JMJD1C: variants seen among roughly 807,000 people sequenced by gnomAD.
JMJD1C encodes jumonji domain-containing protein 1C.
Under a neutral mutation model 245.3 loss-of-function variants are expected in JMJD1C, and 31 were observed. The observed-to-expected ratio is 0.13, with a 90% confidence interval of 0.09 to 0.17. The LOEUF (loss-of-function observed/expected upper bound fraction) is 0.17. Among genes scored for constraint, JMJD1C ranks in the 10% least tolerant of loss-of-function variants. The pLI is 1.00. For missense variants in JMJD1C, 2,691 were observed against 3,000.2 expected (o/e 0.90, Z 2.41); for synonymous variants, 1,057 against 1,017.4 (o/e 1.04, Z -0.74).
chr10:63,220,326 G>A (rs1848451790), intron 3 of JMJD1C, among the ~76,000 whole-genome samples: 1 of 152,170 alleles, frequency 6.6e-6, no homozygotes, highest in Non-Finnish European at 1.5e-5. Context: ...TCATTTAAAG[G>A]TGTTGGCAAA....
At chr10:63,222,509 T>G in intron 3 of JMJD1C, 4 of 1,214,344 alleles carry the variant, frequency 3.3e-6, no homozygotes, top group Non-Finnish European at 4.9e-6. Context: ...TGATTTTGAC[T>G]GACTGCACTT....
At chr10:63,231,148 A>C (rs1849937306) in intron 3 of JMJD1C, among the ~76,000 whole-genome samples, 1 of 152,202 alleles carries the variant, frequency 6.6e-6, no homozygotes, top group South Asian at 2.1e-4. Context: ...CCCTCAAGAA[A>C]AAACCTTAAA....
chr10:63,241,041 A>G (rs1204457935), intron 3 of JMJD1C, among the ~76,000 whole-genome samples: 1 of 152,190 alleles, frequency 6.6e-6, no homozygotes. Flanking sequence ...GGTGTTGCTG[A>G]GAAGTGGCGG....
At chr10:63,288,567 C>G (rs978287565) in intron 2 of JMJD1C, among the ~76,000 whole-genome samples, 7 of 152,084 alleles carry the variant, frequency 4.6e-5, no homozygotes, top group African/African-American at 1.4e-4. Context: ...CCCATTTTTA[C>G]GTCAGGTTGT....
intron 1 of JMJD1C, among the ~76,000 whole-genome samples, chr10:63,452,043 G>C (rs1205165713): frequency 6.6e-6 from 1 of 152,074 alleles, no homozygotes; most frequent in Middle Eastern, 3.2e-3. Context: ...AGCAACTTCT[G>C]GGAAATGACA....
intron 2 of JMJD1C, among the ~76,000 whole-genome samples, chr10:63,319,056 C>T (rs1447621752): frequency 1.3e-5 from 2 of 151,888 alleles, no homozygotes; most frequent in African/African-American, 2.4e-5. Flanking sequence ...GCCAGGAGAT[C>T]GACACCATCC....
intron 2 of JMJD1C, among the ~76,000 whole-genome samples, chr10:63,314,629 GT>G (rs976066044): frequency 1.8e-3 from 249 of 140,282 alleles, no homozygotes; most frequent in East Asian, 3.9e-3. Flanking sequence ...TCAAAGTTTT[GT>G]TTTTTTTTTT....
intron 2 of JMJD1C, among the ~76,000 whole-genome samples, chr10:63,337,303 G>A (rs1045394401): frequency 7.3e-5 from 11 of 150,914 alleles, no homozygotes; most frequent in Non-Finnish European, 1.0e-4. Flanking sequence ...TTAGCCGGGC[G>A]TGGTGGCACA....
At chr10:63,238,229 A>T (rs1851023937) in intron 3 of JMJD1C, among the ~76,000 whole-genome samples, 1 of 151,300 alleles carries the variant, frequency 6.6e-6, no homozygotes, top group Non-Finnish European at 1.5e-5. Context: ...CTAAAATTCC[A>T]ATGTATCATA....
At chr10:63,194,166 G>A in intron 14 of JMJD1C, 120 bp downstream of exon 14, 2 of 696,566 alleles carry the variant, frequency 2.9e-6, no homozygotes, top group Non-Finnish European at 5.2e-6. Context: ...AACTGAGCAA[G>A]ACAATTCAAA....
intron 1 of JMJD1C, among the ~76,000 whole-genome samples, chr10:63,513,377 C>T (rs1045614042): frequency 1.3e-5 from 2 of 152,150 alleles, no homozygotes; most frequent in East Asian, 1.9e-4. Context: ...CTAGGAAACA[C>T]CACTCTGGGC....
At chr10:63,410,823 A>G (rs964851943) in intron 1 of JMJD1C, among the ~76,000 whole-genome samples, 37 of 152,312 alleles carry the variant, frequency 2.4e-4, no homozygotes, top group African/African-American at 7.5e-4. Flanking sequence ...AGAAAAGTAG[A>G]TAAGAGCCGT....
At position 63,176,417 on chromosome 10, in the gene JMJD1C, T is replaced by C. The variant is rs2132806931; in HGVS notation, c.7281A>G (p.Gln2427=). 1 of 1,614,048 alleles carries C rather than the reference T, an allele frequency of 6.2e-7. No individual in the cohort carries two copies. Residue 2427 remains glutamine (Q), a synonymous_variant, in exon 24 of 26, where the codon CAA becomes CAG. Transcript: ENST00000399262. ...GGAGCTTTTTGTTCACATACCAACTTTGGTCACGTATTGGATCATGTTCTG... is the reference window on the plus strand; with the variant it reads ...GGAGCTTTTTGTTCACATACCAACTCTGGTCACGTATTGGATCATGTTCTG... ...VLPEHDPIRD[Q]SWYVNKKLRQ...
At chr10:63,429,312 C>T (rs1475907394) in intron 1 of JMJD1C, among the ~76,000 whole-genome samples, 4 of 151,776 alleles carry the variant, frequency 2.6e-5, no homozygotes, top group Admixed American at 2.0e-4. Context: ...GGGAATAGCA[C>T]CTCAAAATGT....
At chr10:63,411,393 G>C (rs905419518) in intron 1 of JMJD1C, among the ~76,000 whole-genome samples, 1 of 151,612 alleles carries the variant, frequency 6.6e-6, no homozygotes, top group Non-Finnish European at 1.5e-5. Context: ...CCGCCTCCCG[G>C]GGTCAAGCGA....
At chr10:63,461,982 T>G (rs1328536967) in intron 1 of JMJD1C, among the ~76,000 whole-genome samples, 1 of 152,170 alleles carries the variant, frequency 6.6e-6, no homozygotes, top group Non-Finnish European at 1.5e-5. Context: ...CTGCCAGTTT[T>G]CCTTAAACTA....
intron 1 of JMJD1C, among the ~76,000 whole-genome samples, chr10:63,482,644 GAAAA>G (rs984191460): frequency 9.3e-5 from 14 of 150,328 alleles, no homozygotes; most frequent in Non-Finnish European, 1.9e-4. Flanking sequence ...TCAAAAAAAA[GAAAA>G]AAAAGAGAGA....
intron 1 of JMJD1C, among the ~76,000 whole-genome samples, chr10:63,435,437 T>C (rs1003826952): frequency 2.6e-5 from 4 of 152,158 alleles, no homozygotes; most frequent in Admixed American, 6.5e-5. Flanking sequence ...GGAAAGATTA[T>C]AGTAAACACA....
At chr10:63,322,537 A>G (rs1197275002) in intron 2 of JMJD1C, among the ~76,000 whole-genome samples, 1 of 152,180 alleles carries the variant, frequency 6.6e-6, no homozygotes, top group Middle Eastern at 3.2e-3. Flanking sequence ...TTTTCTGGCC[A>G]GGCACGGTGG....
Sources: gnomAD v4.1 joint callset for allele counts (sites outside exome capture counted in the v4.1 genomes callset) on GRCh38, gnomAD v4.1.1 for gene constraint, MANE v1.5 for transcripts, NCBI Gene and HGNC (gene_info 2026-07-23, HGNC 2026-07-21) for gene names.